Variants in SLC35F2 observed in about 807,000 individuals in gnomAD.
SLC35F2 encodes queuine/queuosine transporter SLC35F2.
In SLC35F2, 25 loss-of-function variants were observed where a neutral mutation model predicts 38.1. That is an observed-to-expected ratio of 0.66 (90% CI 0.48 to 0.92). SLC35F2 has a LOEUF of 0.92. Ranked by LOEUF, SLC35F2 falls within the 40% of genes least tolerant of loss-of-function variation. SLC35F2 has a pLI of 0.00. For missense variants in SLC35F2, 409 were observed against 452.9 expected (o/e 0.90, Z 0.88); for synonymous variants, 173 against 181.7 (o/e 0.95, Z 0.38).
chr11:107,855,357 AAGAACTTCGTCC>A (rs1860259941), intron 1 of SLC35F2, among the ~76,000 whole-genome samples: 2 of 152,182 alleles, frequency 1.3e-5, no homozygotes, highest in African/African-American at 4.8e-5. Flanking sequence ...TTTGCTGTTA[AAGAACTTCGTCC>A]ATGGCCAGGC....
intron 1 of SLC35F2, among the ~76,000 whole-genome samples, chr11:107,823,499 G>A (rs914193054): frequency 3.9e-5 from 6 of 152,068 alleles, no homozygotes; most frequent in Admixed American, 6.6e-5. Flanking sequence ...CTTCCAGTAC[G>A]TCTATAAAAA....
At chr11:107,805,979 C>T (rs941495199) in intron 4 of SLC35F2, among the ~76,000 whole-genome samples, 1 of 152,150 alleles carries the variant, frequency 6.6e-6, no homozygotes, top group Non-Finnish European at 1.5e-5. Context: ...ACCGAGGTTT[C>T]ACCATGTTGG....
At chr11:107,802,929 G>A in intron 7 of SLC35F2, 72 bp downstream of exon 7, 1 of 1,409,258 alleles carries the variant, frequency 7.1e-7, no homozygotes, top group Admixed American at 2.4e-5. Flanking sequence ...TTGATCTAGA[G>A]TCTTGAAGAA....
chr11:107,819,204 C>T (rs1265737832), intron 1 of SLC35F2, among the ~76,000 whole-genome samples: 3 of 152,244 alleles, frequency 2.0e-5, no homozygotes, highest in East Asian at 1.9e-4. Flanking sequence ...CAGAATTGGA[C>T]GAGATGGTGT....
At chr11:107,843,502 A>G (rs995401401) in intron 1 of SLC35F2, among the ~76,000 whole-genome samples, 3 of 151,284 alleles carry the variant, frequency 2.0e-5, no homozygotes, top group Non-Finnish European at 4.4e-5. Flanking sequence ...GTGAGCCAAG[A>G]TCGCACCATT....
intron 3 of SLC35F2, chr11:107,810,566 G>A: frequency 1.0e-6 from 1 of 985,268 alleles, no homozygotes; most frequent in Non-Finnish European, 1.2e-6. Context: ...CATTCTCTAG[G>A]TAACTGCTGG....
At chr11:107,822,815 G>A (rs1414203141) in intron 1 of SLC35F2, among the ~76,000 whole-genome samples, 1 of 152,056 alleles carries the variant, frequency 6.6e-6, no homozygotes, top group East Asian at 1.9e-4. Flanking sequence ...AGCTCAAGAT[G>A]TCCTGGAGAA....
At chr11:107,799,656 TCTCGGCTCA>T (rs901161814) in intron 7 of SLC35F2, among the ~76,000 whole-genome samples, 1 of 152,182 alleles carries the variant, frequency 6.6e-6, no homozygotes, top group Non-Finnish European at 1.5e-5. Context: ...AATGGCATGA[TCTCGGCTCA>T]CTGCAACCTC....
intron 2 of SLC35F2, among the ~76,000 whole-genome samples, chr11:107,814,459 CAA>C (rs34742139): frequency 2.3e-4 from 25 of 109,998 alleles, no homozygotes; most frequent in Admixed American, 3.0e-4. Flanking sequence ...GACTCTGCCT[CAA>C]AAAAAAAAAA....
chr11:107,800,679 G>A (rs1164071350), intron 7 of SLC35F2, among the ~76,000 whole-genome samples: 1 of 152,060 alleles, frequency 6.6e-6, no homozygotes, highest in African/African-American at 2.4e-5. Flanking sequence ...CTGGCCCCAA[G>A]TGATCCTCCC....
At chr11:107,858,608 G>C in intron 1 of SLC35F2, 50 bp downstream of exon 1, 1 of 1,248,426 alleles carries the variant, frequency 8.0e-7, no homozygotes, top group South Asian at 4.1e-5. Context: ...CGCAGGGCCC[G>C]CAGCCGCCCC....
chr11:107,845,848 G>T lies in SLC35F2; in HGVS notation c.110+12810C>A, dbSNP rs185865152. On this transcript the variant is annotated intron_variant, in intron 1 of 7. Transcript: ENST00000525815. ...TGCACCTGTAATCCACGCTACTCAGGAGGCTGAGCCAGGAGAATTGCTTGA... is the reference window on the plus strand; with the variant it reads ...TGCACCTGTAATCCACGCTACTCAGTAGGCTGAGCCAGGAGAATTGCTTGA... Among the ~76,000 whole-genome samples the T allele has an allele frequency of 3.7e-4, 56 of 152,030 alleles. 1 individual carries two copies. In the East Asian group the frequency reaches 7.4e-3, roughly 20 times the overall value.
chr11:107,851,149 G>C (rs1860177641), intron 1 of SLC35F2, among the ~76,000 whole-genome samples: 1 of 152,016 alleles, frequency 6.6e-6, no homozygotes, highest in South Asian at 2.1e-4. Flanking sequence ...TGTAGTCCCA[G>C]CTACTCAGGA....
intron 3 of SLC35F2, among the ~76,000 whole-genome samples, chr11:107,808,666 G>C (rs959286178): frequency 6.6e-6 from 1 of 152,132 alleles, no homozygotes; most frequent in Non-Finnish European, 1.5e-5. Flanking sequence ...CATCAGTGGA[G>C]TCCAACGCAT....
Position 107,792,756 on chromosome 11 carries a change from C to T in SLC35F2, c.984G>A (p.Gly328=), listed in dbSNP as rs766857549. The change falls in exon 8 of 8, where the codon GGG becomes GGA. Residue 328 remains glycine, a synonymous_variant. Coordinates refer to ENST00000525815, the MANE Select transcript of SLC35F2 (RefSeq NM_017515.5). ...YILSFTVIMV[G]FILYCSTPTR... Reference sequence around the variant, plus strand: ...TAGGGGTGGAGCAGTACAGGATAAACCCCACCATGATGACAGTGAAGGACA... The same window carrying T: ...TAGGGGTGGAGCAGTACAGGATAAATCCCACCATGATGACAGTGAAGGACA... The T allele has an allele frequency of 3.7e-6, 6 of 1,607,496 alleles. No individual in the cohort carries two copies. The highest frequency in any genetic ancestry group is 4.2e-6 in the Non-Finnish European group (5 of 1,176,982).
In SLC35F2 at chr11:107,815,941, C is replaced by T. The variant is rs751162240; in HGVS notation, c.135G>A (p.Leu45=). The change falls in exon 2 of 8, where the codon CTG becomes CTA. Residue 45 remains leucine (L), a synonymous_variant. Coordinates refer to ENST00000525815, the MANE Select transcript of SLC35F2 (RefSeq NM_017515.5). ...ATATACACAAGGACAACATCTGACC[C>T]AGGGCAATTGTTTTCAAAATATTCC... ...FTWNILKTIA[L]GQMLSLCICG... The T allele has an allele frequency of 4.1e-5, 66 of 1,609,864 alleles. No homozygotes were observed. Among genetic ancestry groups the T allele is most frequent in the South Asian group, 7.8e-5 (7 of 89,838 alleles).
At chr11:107,819,353 G>C (rs1291283605) in intron 1 of SLC35F2, among the ~76,000 whole-genome samples, 1 of 152,196 alleles carries the variant, frequency 6.6e-6, no homozygotes, top group Non-Finnish European at 1.5e-5. Context: ...ATGATGTCAA[G>C]AACTGGCCAA....
intron 1 of SLC35F2, among the ~76,000 whole-genome samples, chr11:107,841,698 G>A (rs139951384): frequency 1.1e-3 from 161 of 152,098 alleles, no homozygotes; most frequent in African/African-American, 3.7e-3. Context: ...CTGGCCGGGC[G>A]CAGTGGCTCA....
intron 1 of SLC35F2, among the ~76,000 whole-genome samples, chr11:107,850,400 C>G (rs946587611): frequency 6.6e-6 from 1 of 152,002 alleles, no homozygotes; most frequent in East Asian, 1.9e-4. Context: ...TTTTTGTCCC[C>G]GAGAAGACAT....
Sources: gnomAD v4.1 joint callset for allele counts (sites outside exome capture counted in the v4.1 genomes callset) on GRCh38, gnomAD v4.1.1 for gene constraint, MANE v1.5 for transcripts, NCBI Gene and HGNC (gene_info 2026-07-23, HGNC 2026-07-21) for gene names.